The following ZRANB1 variants were observed in gnomAD, a reference collection of about 807,000 sequenced individuals.
ZRANB1 encodes ubiquitin thioesterase ZRANB1.
ZRANB1 carries 16 observed loss-of-function variants against 80.5 expected under a neutral mutation model. The observed-to-expected ratio is 0.20, with a 90% CI of 0.13 to 0.30. The LOEUF (loss-of-function observed/expected upper bound fraction) is 0.30, where lower values mean the gene tolerates loss of function less well. ZRANB1 is among the 10% of genes least tolerant of loss of function. ZRANB1 has a pLI of 1.00. For synonymous variants in ZRANB1, 291 were observed against 293.1 expected (o/e 0.99, Z 0.07); for missense variants, 576 against 862.6 (o/e 0.67, Z 4.16).
intron 1 of ZRANB1, among the ~76,000 whole-genome samples, chr10:124,948,368 G>C (rs1341163245): frequency 6.6e-6 from 1 of 152,106 alleles, no homozygotes. Flanking sequence ...CAGTATTTTG[G>C]GGGGAGTTAA....
rs1182779082 is a variant in ZRANB1 at position 124,945,184 on chromosome 10, C to T, written c.814+1877C>T. ...TGTAACCACTACCTCTGTGTTGTTC[C>T]AGAACATTTTCATCATCCCAAAAGG... On this transcript the variant is annotated intron_variant, in intron 1 of 8. Coordinates refer to ENST00000359653, the MANE Select transcript of ZRANB1 (RefSeq NM_017580.3). 7 of 152,246 alleles carry T rather than the reference C, an allele frequency of 4.6e-5. No individual in the cohort carries two copies. The East Asian group carries it at 1.2e-3, about 25-fold the overall frequency. 9.4% of individuals were successfully genotyped at this position (152,246 alleles called of 1,614,324 possible).
Position 124,974,410 on chromosome 10 carries a change from T to C in ZRANB1, c.1427+12T>C. On this transcript the variant is annotated intron_variant, in intron 5 of 8. Transcript: ENST00000359653. The stretch of plus-strand genomic sequence containing the variant: ...GACTGTTCACATTGGTGAGCTGGCA[T>C]TCTGCCCTGTTTCAACCCAGGAGTG... 6.2e-7 allele frequency: 1 copy of C among 1,614,172 alleles called. No individual in the cohort carries two copies. The highest frequency in any genetic ancestry group is 8.5e-7 in the Non-Finnish European group (1 of 1,179,976).
chr10:124,927,807 C>T, the ZRANB1 span, among the ~76,000 whole-genome samples: 1 of 152,118 alleles, frequency 6.6e-6, no homozygotes, highest in Non-Finnish European at 1.5e-5. Context: ...GAGGCTGAGG[C>T]GGGCAGATCA....
chr10:124,971,576 T>C (rs1175404019), intron 2 of ZRANB1, among the ~76,000 whole-genome samples: 1 of 152,204 alleles, frequency 6.6e-6, no homozygotes, highest in Admixed American at 6.5e-5. Flanking sequence ...AGTTTCCCTT[T>C]ATCAGCTGTG....
At chr10:124,972,895 ACCT>A (rs1264834053) in intron 3 of ZRANB1, among the ~76,000 whole-genome samples, 4 of 150,478 alleles carry the variant, frequency 2.7e-5, no homozygotes, top group African/African-American at 4.9e-5. Flanking sequence ...TCCTGCCTTG[ACCT>A]CCTGAGTAGC....
chr10:124,946,750 T>A (rs566306553), intron 1 of ZRANB1, among the ~76,000 whole-genome samples: 12 of 152,334 alleles, frequency 7.9e-5, no homozygotes, highest in East Asian at 1.9e-4. Context: ...ATACTTTTTT[T>A]AAACTTGTTT....
chr10:124,965,435 A>G (rs1326891840), intron 1 of ZRANB1, among the ~76,000 whole-genome samples: 2 of 152,220 alleles, frequency 1.3e-5, no homozygotes, highest in Non-Finnish European at 2.9e-5. Flanking sequence ...TTGCCTGGCA[A>G]GGCGTTCCTG....
chr10:124,922,244 T>TTATATATATATGTAAAATATATA, the ZRANB1 span, among the ~76,000 whole-genome samples: 82 of 119,070 alleles, frequency 6.9e-4, 2 homozygotes, highest in African/African-American at 2.6e-3. Context: ...TGAGCCCAAA[T>TTATATATATATGTAAAATATATA]TATATATATA....
At chr10:124,976,252 G>C (rs1392998438) in intron 5 of ZRANB1, among the ~76,000 whole-genome samples, 7 of 152,190 alleles carry the variant, frequency 4.6e-5, no homozygotes, top group African/African-American at 1.4e-4. Context: ...GCTGGTCAGT[G>C]CTCTGCCGGT....
chr10:124,962,537 C>A, intron 1 of ZRANB1: 2 of 348,374 alleles, frequency 5.7e-6, no homozygotes, highest in Non-Finnish European at 8.1e-6. Flanking sequence ...AAAAATAAGT[C>A]TGTTTTCTAA....
At chr10:124,929,024 C>T in the ZRANB1 span, among the ~76,000 whole-genome samples, 68 of 152,198 alleles carry the variant, frequency 4.5e-4, 1 homozygote, top group Admixed American at 4.5e-3. Context: ...TAATTTTATT[C>T]TGTGTAAGGA....
chr10:124,934,827 T>C, the ZRANB1 span, among the ~76,000 whole-genome samples: 1 of 152,096 alleles, frequency 6.6e-6, no homozygotes, highest in South Asian at 2.1e-4. Context: ...CCAAAGTAGT[T>C]AGAGGTTAGA....
chr10:124,930,615 G>GT, the ZRANB1 span, among the ~76,000 whole-genome samples: 7 of 152,180 alleles, frequency 4.6e-5, no homozygotes, highest in Admixed American at 6.6e-5. Flanking sequence ...ATCAAGAGAT[G>GT]AAAGTGGTTT....
chr10:124,970,845 T>G (rs955953349), intron 2 of ZRANB1, among the ~76,000 whole-genome samples: 2 of 142,882 alleles, frequency 1.4e-5, no homozygotes, highest in African/African-American at 5.4e-5. Flanking sequence ...TTTTTTTTTT[T>G]TTTTTTTTTT....
At chr10:124,940,382 A>G, upstream of ZRANB1, 1 of 565,872 alleles carries the variant, frequency 1.8e-6, no homozygotes, top group African/African-American at 2.0e-5. Context: ...AGGAATAGCT[A>G]TTCAGTCAGA....
chr10:124,979,418 T>G (rs978521467), intron 5 of ZRANB1, among the ~76,000 whole-genome samples: 1 of 152,344 alleles, frequency 6.6e-6, no homozygotes, highest in South Asian at 2.1e-4. Flanking sequence ...TTGTATCAGG[T>G]CCCTTATTGG....
intron 1 of ZRANB1, among the ~76,000 whole-genome samples, chr10:124,953,808 A>G (rs2134259649): frequency 6.6e-6 from 1 of 152,324 alleles, no homozygotes; most frequent in South Asian, 2.1e-4. Flanking sequence ...TGAGATCAAC[A>G]TCTGTGAGTT....
chr10:124,936,851 A>C, the ZRANB1 span, among the ~76,000 whole-genome samples: 1 of 152,322 alleles, frequency 6.6e-6, no homozygotes, highest in East Asian at 1.9e-4. Context: ...TTCTCTGAGC[A>C]TTTGTAAATC....
rs1951551269 is a variant in ZRANB1, at chr10:124,943,141, A to G, written c.648A>G (p.Ser216=). 6.2e-7 allele frequency: 1 copy of G among 1,614,092 alleles called. No individual in the cohort carries two copies. The highest frequency in any genetic ancestry group is 8.5e-7 in the Non-Finnish European group (1 of 1,180,046). Residue 216 remains serine, a synonymous_variant, in exon 1 of 9, where the codon TCA becomes TCG. Transcript: ENST00000359653. ...SCSSGNSQRR[S]PPATKRDSEV... ...GTAGTGGTAATAGCCAAAGGAGATCACCTCCTGCTACGAAGCGGGACTCTG... is the reference window on the plus strand; with the variant it reads ...GTAGTGGTAATAGCCAAAGGAGATCGCCTCCTGCTACGAAGCGGGACTCTG...
Sources: allele counts gnomAD v4.1 joint callset (sites outside exome capture counted in the v4.1 genomes callset), GRCh38; gene constraint gnomAD v4.1.1; transcripts MANE v1.5; gene names NCBI Gene and HGNC (gene_info 2026-07-23, HGNC 2026-07-21).